The following NOL4 variants were observed in gnomAD, a reference collection of about 807,000 sequenced individuals.
NOL4 encodes the protein cancer/testis antigen 125.
A neutral mutation model predicts 75.9 loss-of-function variants in NOL4; 17 were observed. The observed-to-expected ratio is 0.22, with a 90% CI of 0.15 to 0.34. The LOEUF (loss-of-function observed/expected upper bound fraction) is 0.34, where lower values mean the gene tolerates loss of function less well. NOL4 is among the 10% of genes least tolerant of loss of function. NOL4 has a pLI of 1.00. For missense variants in NOL4, 614 were observed against 793.5 expected (o/e 0.77, Z 2.72); for synonymous variants, 292 against 289.9 (o/e 1.01, Z -0.07).
chr18:33,934,407 T>C (rs1597850), intron 9 of NOL4, among the ~76,000 whole-genome samples: 29,521 of 152,108 alleles, frequency 0.19, 3,442 homozygotes, highest in East Asian at 0.42. Context: ...AAGCCAGGCA[T>C]TAATTTCTTC....
intron 5 of NOL4, among the ~76,000 whole-genome samples, chr18:34,077,797 C>T (rs942700252): frequency 2.6e-5 from 4 of 152,024 alleles, no homozygotes; most frequent in Non-Finnish European, 5.9e-5. Flanking sequence ...ATTAGAGTAA[C>T]TGATAATTTT....
intron 10 of NOL4, among the ~76,000 whole-genome samples, chr18:33,881,942 C>G (rs1312997866): frequency 1.3e-5 from 2 of 152,128 alleles, no homozygotes; most frequent in African/African-American, 4.8e-5. Flanking sequence ...CTGAGAAAAA[C>G]AAGCAATGGG....
chr18:34,195,625 T>C (rs1295911990), intron 1 of NOL4, among the ~76,000 whole-genome samples: 2 of 151,352 alleles, frequency 1.3e-5, no homozygotes, highest in African/African-American at 2.4e-5. Flanking sequence ...AATGTTACTT[T>C]TCAAAAAAAA....
chr18:34,012,880 TCAC>T (rs2074455276), intron 6 of NOL4, among the ~76,000 whole-genome samples: 1 of 152,006 alleles, frequency 6.6e-6, no homozygotes, highest in Non-Finnish European at 1.5e-5. Context: ...CCTGTCATAG[TCAC>T]CACATGATCC....
intron 2 of NOL4, among the ~76,000 whole-genome samples, chr18:34,108,531 G>T (rs2079426002): frequency 6.6e-6 from 1 of 152,116 alleles, no homozygotes; most frequent in Non-Finnish European, 1.5e-5. Flanking sequence ...GTAACCAAAA[G>T]GGATCAGGGC....
At chr18:34,036,623 G>A (rs1424623451) in intron 5 of NOL4, among the ~76,000 whole-genome samples, 2 of 152,080 alleles carry the variant, frequency 1.3e-5, no homozygotes, top group African/African-American at 2.4e-5. Flanking sequence ...TGAGGCAATA[G>A]CAATAAATAA....
At chr18:34,111,840 TA>T in intron 2 of NOL4, among the ~76,000 whole-genome samples, 1 of 152,086 alleles carries the variant, frequency 6.6e-6, no homozygotes, top group Non-Finnish European at 1.5e-5. Flanking sequence ...AGACAAAAAG[TA>T]TTGGCAATGA....
chr18:34,109,774 A>T (rs1379222252), intron 2 of NOL4, among the ~76,000 whole-genome samples: 2 of 151,942 alleles, frequency 1.3e-5, no homozygotes, highest in Non-Finnish European at 1.5e-5. Context: ...CTTTACCTAG[A>T]CCAAGAAACA....
intron 5 of NOL4, among the ~76,000 whole-genome samples, chr18:34,022,243 C>T (rs1013938919): frequency 2.0e-5 from 3 of 151,684 alleles, no homozygotes; most frequent in South Asian, 2.1e-4. Flanking sequence ...TCTAAGACTA[C>T]CCTGTGAAAA....
At chr18:33,854,484 G>A (rs1223902874) in intron 10 of NOL4, among the ~76,000 whole-genome samples, 1 of 152,054 alleles carries the variant, frequency 6.6e-6, no homozygotes, top group Non-Finnish European at 1.5e-5. Flanking sequence ...GAAGAGAGAT[G>A]TGCGATGTCA....
At chr18:33,881,744 C>A (rs2064291508) in intron 10 of NOL4, among the ~76,000 whole-genome samples, 1 of 151,892 alleles carries the variant, frequency 6.6e-6, no homozygotes, top group Non-Finnish European at 1.5e-5. Flanking sequence ...CCCGCATTGC[C>A]AGGTCAATCC....
At chr18:34,081,996 CAA>C (rs999411059) in intron 5 of NOL4, among the ~76,000 whole-genome samples, 28 of 152,032 alleles carry the variant, frequency 1.8e-4, no homozygotes, top group Non-Finnish European at 1.3e-4. Context: ...AATGCAGAAA[CAA>C]AGAGGATACA....
intron 1 of NOL4, among the ~76,000 whole-genome samples, chr18:34,168,610 A>AAAG (rs369874445): frequency 1.3e-5 from 2 of 151,352 alleles, no homozygotes; most frequent in African/African-American, 4.8e-5. Context: ...AAGAAATGTA[A>AAAG]AAGAAGAAGA....
At chr18:34,017,661 C>T (rs1214849539) in intron 6 of NOL4, among the ~76,000 whole-genome samples, 2 of 152,122 alleles carry the variant, frequency 1.3e-5, no homozygotes, top group Non-Finnish European at 2.9e-5. Flanking sequence ...ACTTCTCTCA[C>T]AAATTTAACT....
chr18:34,031,469 A>G (rs995703546), intron 5 of NOL4, among the ~76,000 whole-genome samples: 2 of 152,218 alleles, frequency 1.3e-5, no homozygotes, highest in Non-Finnish European at 2.9e-5. Flanking sequence ...ACTGATATGT[A>G]CCAGCAGTTG....
intron 10 of NOL4, 31 bp from the exon 11 acceptor site, chr18:33,853,066 T>C: frequency 1.9e-6 from 3 of 1,549,486 alleles, no homozygotes; most frequent in South Asian, 1.2e-5. Flanking sequence ...AAATTAGACA[T>C]AAATATTATT....
At chr18:34,107,108 T>C (rs2079325962) in intron 2 of NOL4, among the ~76,000 whole-genome samples, 1 of 152,120 alleles carries the variant, frequency 6.6e-6, no homozygotes. Flanking sequence ...TCTGAAATCT[T>C]CTCTTTTCCC....
chr18:33,951,437 T>A (rs937092175), intron 8 of NOL4, among the ~76,000 whole-genome samples: 1 of 152,142 alleles, frequency 6.6e-6, no homozygotes, highest in African/African-American at 2.4e-5. Flanking sequence ...TACTATAATA[T>A]CCCTAGGTAT....
chr18:33,962,417 G>A (rs924805962), intron 6 of NOL4, among the ~76,000 whole-genome samples: 10 of 152,108 alleles, frequency 6.6e-5, no homozygotes, highest in African/African-American at 1.9e-4. Flanking sequence ...AGATATTCTC[G>A]AATCTACCAA....
Sources: allele counts gnomAD v4.1 joint callset (sites outside exome capture counted in the v4.1 genomes callset), GRCh38; gene constraint gnomAD v4.1.1; transcripts MANE v1.5; gene names NCBI Gene and HGNC (gene_info 2026-07-23, HGNC 2026-07-21).